Variants in FRMD5 observed in about 807,000 individuals in gnomAD.
FRMD5 encodes FERM domain-containing protein 5.
A neutral mutation model predicts 69.0 loss-of-function variants in FRMD5; 20 were observed. The ratio of observed to expected loss-of-function variants is 0.29; its 90% confidence interval spans 0.20 to 0.42. The LOEUF (loss-of-function observed/expected upper bound fraction) is 0.42. FRMD5 is among the 10% of genes least tolerant of loss of function. FRMD5 has a pLI of 1.00. For synonymous variants in FRMD5, 271 were observed against 260.1 expected (o/e 1.04, Z -0.40); for missense variants, 595 against 708.6 (o/e 0.84, Z 1.82).
At chr15:43,933,731 A>T (rs1333022750) in intron 1 of FRMD5, among the ~76,000 whole-genome samples, 1 of 152,228 alleles carries the variant, frequency 6.6e-6, no homozygotes, top group Non-Finnish European at 1.5e-5. Flanking sequence ...CCAGGTTTTT[A>T]AATTCTGCCT....
chr15:44,064,137 A>G (rs1291882102), intron 1 of FRMD5: 4 of 217,154 alleles, frequency 1.8e-5, no homozygotes, highest in Non-Finnish European at 3.6e-5. Flanking sequence ...TCATGCTTGC[A>G]TCTACTGGCA....
chr15:44,075,974 T>A (rs1042173364), intron 1 of FRMD5, among the ~76,000 whole-genome samples: 3 of 152,210 alleles, frequency 2.0e-5, no homozygotes, highest in African/African-American at 7.2e-5. Context: ...TTTTGAGAAG[T>A]GTCTGTTCGT....
intron 1 of FRMD5, among the ~76,000 whole-genome samples, chr15:44,191,636 T>C (rs2447332): frequency 0.45 from 68,308 of 150,996 alleles, 18,356 homozygotes; most frequent in Admixed American, 0.62. Context: ...AAGCAGGGCA[T>C]GGTGGTGCAC....
intron 13 of FRMD5, among the ~76,000 whole-genome samples, chr15:43,878,932 CTTTTTTTTT>C (rs71421808): frequency 8.9e-6 from 1 of 112,902 alleles, no homozygotes; most frequent in Non-Finnish European, 1.8e-5. Context: ...TTTTTCTTTT[CTTTTTTTTT>C]TTTTTTTTTG....
chr15:43,879,180 G>A (rs1363627258), intron 13 of FRMD5, among the ~76,000 whole-genome samples: 1 of 151,910 alleles, frequency 6.6e-6, no homozygotes, highest in Admixed American at 6.6e-5. Flanking sequence ...CAAGTGATCT[G>A]CCCATCTCAG....
intron 1 of FRMD5, among the ~76,000 whole-genome samples, chr15:44,071,535 G>A (rs1003424015): frequency 1.3e-5 from 2 of 152,188 alleles, no homozygotes; most frequent in African/African-American, 4.8e-5. Flanking sequence ...TTTAGTTTAA[G>A]CATTTGGGAC....
intron 10 of FRMD5, 150 bp downstream of exon 10, chr15:43,888,025 T>G: frequency 5.1e-6 from 3 of 591,260 alleles, no homozygotes; most frequent in Non-Finnish European, 9.0e-6. Flanking sequence ...GCTCTTGCCT[T>G]TGGCCTCAAC....
chr15:43,874,145 CCT>C lies in FRMD5; in HGVS notation c.1451_1452del (p.Gln484ArgfsTer12). On this transcript the variant is annotated frameshift_variant, in exon 14 of 14. Coordinates refer to ENST00000417257, the MANE Select transcript of FRMD5 (RefSeq NM_032892.5). LOFTEE classifies it high-confidence loss of function. ...ALGGELRALC[Q>X]GHSGPEEEQV... Reference sequence around the variant, plus strand: ...TGTTCCTCCTCGGGCCCGCTGTGCCCCTGACACAGGGCCCTCAGCTCTCCCCC... The same window carrying C: ...TGTTCCTCCTCGGGCCCGCTGTGCCCGACACAGGGCCCTCAGCTCTCCCCC... 1 of 1,614,212 alleles carries C rather than the reference CCT, an allele frequency of 6.2e-7. No individual in the cohort carries two copies. The highest frequency in any genetic ancestry group is 8.5e-7 in the Non-Finnish European group (1 of 1,180,050).
intron 1 of FRMD5, among the ~76,000 whole-genome samples, chr15:44,077,968 A>G (rs1015622450): frequency 1.3e-5 from 2 of 152,110 alleles, no homozygotes; most frequent in East Asian, 1.9e-4. Context: ...TAAACTATGT[A>G]TATTTTTTAT....
In FRMD5 at chr15:43,884,707, G is replaced by A; in HGVS notation, c.1028+20C>T. 10 of 1,609,920 alleles carry A rather than the reference G, an allele frequency of 6.2e-6. No homozygotes were observed. The highest frequency in any genetic ancestry group is 6.8e-6 in the Non-Finnish European group (8 of 1,176,268). ...GGATCTGAGCTACAACTGTTTGGGG[G>A]GAAGCCCCTGGCAGCCTACCTGTGT... On this transcript the variant is annotated intron_variant, in intron 12 of 13. Coordinates refer to ENST00000417257, the MANE Select transcript of FRMD5 (RefSeq NM_032892.5).
rs756551132 is a variant in FRMD5, at chr15:44,139,983, T to C, written c.102+54970A>G. On this transcript the variant is annotated intron_variant, in intron 1 of 13. Coordinates refer to ENST00000417257, the MANE Select transcript of FRMD5 (RefSeq NM_032892.5). ...GATACAGCAAATCTGAACACAACAGTAAGTCTGATCTTATACATATACATA... is the reference window on the plus strand; with the variant it reads ...GATACAGCAAATCTGAACACAACAGCAAGTCTGATCTTATACATATACATA... Among the ~76,000 whole-genome samples the C allele has an allele frequency of 5.9e-4, 89 of 152,040 alleles. 1 individual carries two copies. The highest frequency in any genetic ancestry group is 9.9e-4 in the Non-Finnish European group (67 of 67,986).
At chr15:44,039,340 C>T (rs1040586980) in intron 1 of FRMD5, among the ~76,000 whole-genome samples, 1 of 152,242 alleles carries the variant, frequency 6.6e-6, no homozygotes, top group Non-Finnish European at 1.5e-5. Context: ...CAGGCTGCCT[C>T]CTCAAGTGGG....
At position 43,873,449 on chromosome 15, in the gene FRMD5, G is replaced by T; in HGVS notation, c.*436C>A. 7.0e-7 allele frequency: 1 copy of T among 1,429,494 alleles called. No individual in the cohort carries two copies. 88.6% of individuals were successfully genotyped at this position (1,429,494 alleles called of 1,614,324 possible). A position where few individuals can be genotyped will look rare whatever the true frequency, so the allele number is the denominator to read the frequency against. ...GAACCCAGTGGCACCAGCAGGAAAA[G>T]CTCCTGCAGAATACAGAGGACAGCA... On this transcript the variant is annotated 3_prime_UTR_variant, in exon 14 of 14. Coordinates refer to ENST00000417257, the MANE Select transcript of FRMD5 (RefSeq NM_032892.5).
At chr15:44,078,134 A>G (rs1356260559) in intron 1 of FRMD5, among the ~76,000 whole-genome samples, 1 of 152,170 alleles carries the variant, frequency 6.6e-6, no homozygotes, top group Admixed American at 6.5e-5. Context: ...ATGCTTTCCA[A>G]TCAAACTTTT....
chr15:44,017,837 C>T lies in FRMD5; in HGVS notation c.103-93528G>A, dbSNP rs572167366. Among the ~76,000 whole-genome samples, 17 of 152,028 alleles carry T rather than the reference C, an allele frequency of 1.1e-4. 1 individual carries two copies. The highest frequency in any genetic ancestry group is 3.6e-4 in the African/African-American group (15 of 41,452). ...TGTTAGCCAGGATGGTCTCGATCTC[C>T]TAACCTCGTGATCCGCCCGCCTCAT... On this transcript the variant is annotated intron_variant, in intron 1 of 13. Coordinates refer to ENST00000417257, the MANE Select transcript of FRMD5 (RefSeq NM_032892.5).
chr15:44,023,879 C>A (rs1011353495), intron 1 of FRMD5, among the ~76,000 whole-genome samples: 1 of 152,042 alleles, frequency 6.6e-6, no homozygotes, highest in Non-Finnish European at 1.5e-5. Context: ...AGCATGATAT[C>A]AAGAAAGAAG....
intron 6 of FRMD5, among the ~76,000 whole-genome samples, chr15:43,902,595 T>C (rs1595499542): frequency 6.8e-6 from 1 of 146,752 alleles, no homozygotes; most frequent in East Asian, 2.0e-4. Flanking sequence ...AGGTGGGAGG[T>C]GGGAGGATTG....
At chr15:44,084,781 A>G (rs1447424477) in intron 1 of FRMD5, among the ~76,000 whole-genome samples, 2 of 152,150 alleles carry the variant, frequency 1.3e-5, no homozygotes, top group Non-Finnish European at 2.9e-5. Context: ...AAAAAGAACT[A>G]TAGAAATGTA....
intron 13 of FRMD5, among the ~76,000 whole-genome samples, chr15:43,882,808 C>T (rs1385110760): frequency 3.3e-5 from 5 of 151,634 alleles, no homozygotes; most frequent in South Asian, 4.2e-4. Flanking sequence ...AAGTGGAATC[C>T]TCTTTTTTTT....
Sources: gnomAD v4.1 joint callset for allele counts (sites outside exome capture counted in the v4.1 genomes callset) on GRCh38, gnomAD v4.1.1 for gene constraint, MANE v1.5 for transcripts, NCBI Gene and HGNC (gene_info 2026-07-23, HGNC 2026-07-21) for gene names.